The following ARHGDIB variants were observed in gnomAD, a reference collection of about 807,000 sequenced individuals.
The protein encoded by ARHGDIB is Rho GDP dissociation inhibitor beta.
ARHGDIB carries 20 observed loss-of-function variants against 22.6 expected under a neutral mutation model. The observed-to-expected ratio is 0.88, with a 90% CI of 0.62 to 1.28. The LOEUF is 1.28. Ranked by LOEUF, ARHGDIB falls within the 50% of genes most tolerant of loss-of-function variation. The pLI is 0.00. For missense variants in ARHGDIB, 254 were observed against 245.4 expected, an observed-to-expected ratio of 1.04 and a Z score of -0.23; for synonymous variants, 114 against 96.1, an observed-to-expected ratio of 1.19 and a Z score of -1.09.
intron 5 of ARHGDIB, among the ~76,000 whole-genome samples, chr12:14,944,288 AT>A (rs1051875758): frequency 4.0e-5 from 6 of 150,670 alleles, no homozygotes; most frequent in Admixed American, 1.3e-4. Flanking sequence ...CCTAGAAAAT[AT>A]TTTTTTTTCT....
At chr12:14,950,849 T>A (rs748303691) in intron 1 of ARHGDIB, 125 bp from the exon 2 acceptor site, 33 of 691,268 alleles carry the variant, frequency 4.8e-5, no homozygotes, top group Non-Finnish European at 7.3e-5. Context: ...TTCCTGATTG[T>A]TTTCCTAATT....
intron 5 of ARHGDIB, among the ~76,000 whole-genome samples, chr12:14,943,288 C>T (rs1863919350): frequency 1.3e-5 from 2 of 152,012 alleles, no homozygotes; most frequent in African/African-American, 4.8e-5. Flanking sequence ...TTCTGTGGGT[C>T]CCAGGGATCA....
intron 1 of ARHGDIB, among the ~76,000 whole-genome samples, chr12:14,957,937 A>G (rs1864335509): frequency 6.6e-6 from 1 of 152,156 alleles, no homozygotes; most frequent in Non-Finnish European, 1.5e-5. Flanking sequence ...TACCAGAAGT[A>G]GGGGATTTCT....
intron 5 of ARHGDIB, 56 bp from the exon 6 acceptor site, chr12:14,942,777 C>A: frequency 6.8e-7 from 1 of 1,463,622 alleles, no homozygotes; most frequent in Non-Finnish European, 9.5e-7. Context: ...AAAACATACA[C>A]TGCAAACTGG....
intron 1 of ARHGDIB, chr12:14,956,250 T>C (rs1010380082): frequency 2.0e-5 from 3 of 152,186 alleles, no homozygotes; most frequent in African/African-American, 7.2e-5. Context: ...CAGGGAAGTG[T>C]CAGATAACGA....
chr12:14,942,451 A>C lies in ARHGDIB; in HGVS notation c.*71T>G. On this transcript the variant is annotated 3_prime_UTR_variant, in exon 6 of 6. Transcript: ENST00000228945. ...AGGGACCCAGCTGTGGACAGGGAGG[A>C]GGGACAGGGTGCTGAACACGCCTGA... is the stretch of plus-strand genomic sequence containing the variant. 1 of 1,529,272 alleles carries C rather than the reference A, an allele frequency of 6.5e-7. No homozygotes were observed. 94.7% of individuals were successfully genotyped at this position (1,529,272 alleles called of 1,614,324 possible).
At chr12:14,958,538 C>A (rs1312317466) in intron 1 of ARHGDIB, among the ~76,000 whole-genome samples, 1 of 152,152 alleles carries the variant, frequency 6.6e-6, no homozygotes, top group African/African-American at 2.4e-5. Flanking sequence ...TCAAAGAGAT[C>A]CCGTGAGCTT....
intron 1 of ARHGDIB, among the ~76,000 whole-genome samples, chr12:14,960,739 G>A (rs1349826360): frequency 6.6e-6 from 1 of 152,184 alleles, no homozygotes. Flanking sequence ...CTGACCTCAG[G>A]TGATCTACCC....
At chr12:14,958,277 C>T (rs558077038) in intron 1 of ARHGDIB, among the ~76,000 whole-genome samples, 7 of 152,158 alleles carry the variant, frequency 4.6e-5, no homozygotes, top group Non-Finnish European at 7.3e-5. Context: ...CCCCACTTTG[C>T]GGTGCTGCTT....
chr12:14,957,378 G>T (rs555475904), intron 1 of ARHGDIB, among the ~76,000 whole-genome samples: 2 of 152,258 alleles, frequency 1.3e-5, no homozygotes, highest in South Asian at 2.1e-4. Context: ...CTTCACTGAA[G>T]CTAGGTAACT....
rs750489788 is a variant in ARHGDIB, at chr12:14,950,534, G to T, written c.179C>A (p.Thr60Lys). Residue 60 changes from threonine to lysine, a missense_variant and splice_region_variant, in exon 2 of 6, where the codon ACA becomes AAA. Transcript: ENST00000228945. Reference protein sequence around the residue: ...KTLLGDGPVVTDPKAPNVVVT... With the variant: ...KTLLGDGPVVKDPKAPNVVVT... ...CCCTGTTCTCTGTACACACATACCT[G>T]TCACCACAGGACCATCTCCCAGCAG... The T allele has an allele frequency of 1.2e-6, 2 of 1,611,466 alleles. No individual in the cohort carries two copies. The highest frequency in any genetic ancestry group is 4.5e-5 in the East Asian group (2 of 44,840).
Position 14,949,850 on chromosome 12 carries a change from T to A in ARHGDIB, c.217A>T (p.Thr73Ser). The change falls in exon 3 of 6, where the codon ACC becomes TCC. Residue 73 changes from threonine (T) to serine (S), a missense_variant. By Grantham distance (58) the Thr-to-Ser change is moderately conservative. Transcript: ENST00000228945. ...CCCGGGGCACTCTCACAAACCAGGG[T>A]GAGCCGGGTGACAACGACATTGGGG... ...KAPNVVVTRL[T>S]LVCESAPGPI... 6.2e-7 allele frequency: 1 copy of A among 1,613,560 alleles called. No individual in the cohort carries two copies. Among genetic ancestry groups the A allele is most frequent in the Non-Finnish European group, 8.5e-7 (1 of 1,179,704 alleles).
intron 1 of ARHGDIB, among the ~76,000 whole-genome samples, chr12:14,957,394 C>T (rs1435199307): frequency 1.3e-5 from 2 of 152,186 alleles, no homozygotes; most frequent in Non-Finnish European, 2.9e-5. Flanking sequence ...TAACTGTTTC[C>T]ACACCAAATA....
chr12:14,942,856 G>T, intron 5 of ARHGDIB, 135 bp from the exon 6 acceptor site: 3 of 749,622 alleles, frequency 4.0e-6, no homozygotes, highest in East Asian at 2.8e-5. Flanking sequence ...ATAAACATTA[G>T]ATTTACCTGA....
At chr12:14,945,709 T>G (rs962434797) in intron 4 of ARHGDIB, among the ~76,000 whole-genome samples, 1 of 152,276 alleles carries the variant, frequency 6.6e-6, no homozygotes, top group Non-Finnish European at 1.5e-5. Context: ...CCTTTTGTGT[T>G]GGACACAATA....
intron 4 of ARHGDIB, among the ~76,000 whole-genome samples, chr12:14,945,642 A>C (rs529363009): frequency 8.7e-4 from 132 of 152,388 alleles, no homozygotes; most frequent in African/African-American, 3.1e-3. Context: ...TCTGTTCACC[A>C]ATGTGAAGAA....
At chr12:14,954,057 C>T (rs1168939388) in intron 1 of ARHGDIB, among the ~76,000 whole-genome samples, 2 of 152,058 alleles carry the variant, frequency 1.3e-5, no homozygotes, top group African/African-American at 4.8e-5. Context: ...TGGCTCACTA[C>T]AACCTCTGCC....
rs767054237 is a variant in ARHGDIB at position 14,946,642 on chromosome 12, T to TCC, written c.342+1229_342+1230dup. Among the ~76,000 whole-genome samples, 100 of 152,048 alleles carry TCC rather than the reference T, an allele frequency of 6.6e-4. 1 individual carries two copies. Among genetic ancestry groups the TCC allele is most frequent in the Admixed American group, 5.2e-4 (8 of 15,268 alleles). The stretch of plus-strand genomic sequence containing the variant: ...TGCATCATCCTAATGTGTAAACCTG[T>TCC]CCACACAGACCCACATACCACATTC... On this transcript the variant is annotated intron_variant, in intron 4 of 5. Coordinates refer to ENST00000228945, the MANE Select transcript of ARHGDIB (RefSeq NM_001175.7).
intron 1 of ARHGDIB, among the ~76,000 whole-genome samples, chr12:14,957,174 C>T (rs2430713): frequency 0.22 from 33,517 of 152,104 alleles, 3,692 homozygotes; most frequent in Admixed American, 0.24. Context: ...AGGACTCAAT[C>T]AAGTTGCTAA....
Sources: gnomAD v4.1 joint callset for allele counts (sites outside exome capture counted in the v4.1 genomes callset) on GRCh38, gnomAD v4.1.1 for gene constraint, MANE v1.5 for transcripts, NCBI Gene and HGNC (gene_info 2026-07-23, HGNC 2026-07-21) for gene names.